CSGALNACT1: variants seen among roughly 807,000 people sequenced by gnomAD.
CSGALNACT1 encodes the protein beta4GalNAcT-1.
In CSGALNACT1, 52 loss-of-function variants were observed where a neutral mutation model predicts 51.0. That is an observed-to-expected ratio of 1.02 (90% CI 0.82 to 1.29). CSGALNACT1 has a LOEUF of 1.29. Ranked by LOEUF, CSGALNACT1 falls within the 50% of genes most tolerant of loss-of-function variation. The probability of loss-of-function intolerance (pLI) is 0.00; values close to 1 mark genes in which losing one functional copy is unlikely to be tolerated. For synonymous variants in CSGALNACT1, 341 were observed against 254.4 expected, an observed-to-expected ratio of 1.34 and a Z score of -3.24; for missense variants, 935 against 679.2, an observed-to-expected ratio of 1.38 and a Z score of -4.19.
rs982155917 is a variant in CSGALNACT1, at chr8:19,609,956, C to T, written c.-543-8091G>A. On this transcript the variant is annotated intron_variant, in intron 1 of 9. Transcript: ENST00000332246. ...ATGGAAGAGGCCGGGCACGGTGGCT[C>T]ACGCCTGTAATCCCAGCAGTTTGGG... Among the ~76,000 whole-genome samples the T allele has an allele frequency of 2.0e-5, 3 of 152,112 alleles. No individual in the cohort carries two copies. The South Asian group carries it at 6.2e-4, about 32-fold the overall frequency.
At chr8:19,475,194 G>C (rs1426685978) in intron 4 of CSGALNACT1, among the ~76,000 whole-genome samples, 1 of 152,182 alleles carries the variant, frequency 6.6e-6, no homozygotes, top group African/African-American at 2.4e-5. Context: ...GTGTACAAGA[G>C]TATGGAGGAA....
rs142530809 is a variant in CSGALNACT1 at position 19,573,705 on chromosome 8, T to C, written c.-297+17455A>G. 8.8e-4 allele frequency among the ~76,000 whole-genome samples: 134 copies of C among 152,138 alleles called. 1 individual carries two copies. The highest frequency in any genetic ancestry group is 2.9e-3 in the African/African-American group (122 of 41,494). On this transcript the variant is annotated intron_variant, in intron 3 of 9. Transcript: ENST00000454498. The stretch of plus-strand genomic sequence containing the variant: ...GTGCTCTGCCCACCTCGGCCTCCCA[T>C]ACCAATCTCTCTTAATGATCAATAC...
chr8:19,674,876 G>C (rs1208239135), intron 1 of CSGALNACT1, among the ~76,000 whole-genome samples: 2 of 152,148 alleles, frequency 1.3e-5, no homozygotes, highest in Admixed American at 6.5e-5. Context: ...TTGGGTATGA[G>C]AGAATGAGAG....
intron 1 of CSGALNACT1, among the ~76,000 whole-genome samples, chr8:19,726,218 G>T (rs1331506291): frequency 6.6e-6 from 1 of 152,016 alleles, no homozygotes; most frequent in Non-Finnish European, 1.5e-5. Flanking sequence ...TTTAAGATAA[G>T]TTAACATTAA....
chr8:19,451,536 C>A (rs1586310043), intron 5 of CSGALNACT1, among the ~76,000 whole-genome samples: 1 of 152,182 alleles, frequency 6.6e-6, no homozygotes, highest in Non-Finnish European at 1.5e-5. Flanking sequence ...CCATGGATCA[C>A]CCCAAGCACC....
intron 3 of CSGALNACT1, among the ~76,000 whole-genome samples, chr8:19,579,202 GC>G (rs775450984): frequency 3.9e-5 from 6 of 152,124 alleles, no homozygotes; most frequent in Non-Finnish European, 8.8e-5. Flanking sequence ...GGACTAAAAG[GC>G]CCACTTTGAT....
At chr8:19,745,359 T>A (rs1443979849) in intron 1 of CSGALNACT1, among the ~76,000 whole-genome samples, 1 of 152,218 alleles carries the variant, frequency 6.6e-6, no homozygotes, top group Non-Finnish European at 1.5e-5. Context: ...TGATACATAA[T>A]AATTGTACAT....
chr8:19,551,565 G>A (rs1049875100), intron 3 of CSGALNACT1, among the ~76,000 whole-genome samples: 1 of 152,188 alleles, frequency 6.6e-6, no homozygotes, highest in Non-Finnish European at 1.5e-5. Context: ...TCAGCGTTCG[G>A]CTTCCTATTG....
intron 2 of CSGALNACT1, among the ~76,000 whole-genome samples, chr8:19,599,730 G>A (rs2049985074): frequency 6.6e-6 from 1 of 152,184 alleles, no homozygotes; most frequent in Non-Finnish European, 1.5e-5. Flanking sequence ...AACACTTGGG[G>A]AACCTGGGAA....
At chr8:19,409,076 C>T (rs974525483) in intron 8 of CSGALNACT1, among the ~76,000 whole-genome samples, 3 of 152,158 alleles carry the variant, frequency 2.0e-5, no homozygotes, top group Non-Finnish European at 4.4e-5. Context: ...GAATCGGAGG[C>T]TTGGGCCCCT....
intron 3 of CSGALNACT1, among the ~76,000 whole-genome samples, chr8:19,550,469 G>T (rs911064043): frequency 1.2e-4 from 19 of 152,186 alleles, no homozygotes; most frequent in African/African-American, 4.3e-4. Context: ...CTCTTTCATG[G>T]ATGCAATATC....
chr8:19,427,529 T>C (rs935500617), intron 6 of CSGALNACT1, among the ~76,000 whole-genome samples: 1 of 152,060 alleles, frequency 6.6e-6, no homozygotes, highest in African/African-American at 2.4e-5. Flanking sequence ...TGGCTCATGC[T>C]TGTAATCCCA....
At chr8:19,582,587 T>C (rs947266928) in intron 3 of CSGALNACT1, among the ~76,000 whole-genome samples, 1 of 152,140 alleles carries the variant, frequency 6.6e-6, no homozygotes, top group Non-Finnish European at 1.5e-5. Context: ...GGTTTAAAGA[T>C]AGACACATGA....
At chr8:19,442,233 G>C (rs1446368840) in intron 5 of CSGALNACT1, among the ~76,000 whole-genome samples, 1 of 152,098 alleles carries the variant, frequency 6.6e-6, no homozygotes, top group South Asian at 2.1e-4. Flanking sequence ...ATACCCAAAG[G>C]ACTATAAATC....
At chr8:19,615,914 C>T (rs2052936391) in intron 1 of CSGALNACT1, among the ~76,000 whole-genome samples, 1 of 152,140 alleles carries the variant, frequency 6.6e-6, no homozygotes, top group Non-Finnish European at 1.5e-5. Context: ...ATGAAGAAGT[C>T]TTAATTTATC....
chr8:19,507,916 C>T (rs887805882), intron 3 of CSGALNACT1, among the ~76,000 whole-genome samples: 17 of 152,368 alleles, frequency 1.1e-4, no homozygotes, highest in African/African-American at 3.4e-4. Context: ...CGTGAGCCGC[C>T]GTGCCCGGCC....
intron 3 of CSGALNACT1, among the ~76,000 whole-genome samples, chr8:19,578,399 G>A (rs1036187900): frequency 2.0e-5 from 3 of 152,308 alleles, no homozygotes; most frequent in South Asian, 2.1e-4. Context: ...CTGTGATCCT[G>A]CTGCCTGGAG....
chr8:19,668,437 TAAG>T (rs774148042), intron 1 of CSGALNACT1, among the ~76,000 whole-genome samples: 1 of 152,218 alleles, frequency 6.6e-6, no homozygotes, highest in African/African-American at 2.4e-5. Context: ...AAAAAATTAT[TAAG>T]AAGTTGAATC....
intron 3 of CSGALNACT1, among the ~76,000 whole-genome samples, chr8:19,571,964 A>G (rs1228540427): frequency 6.6e-6 from 1 of 152,218 alleles, no homozygotes; most frequent in Non-Finnish European, 1.5e-5. Context: ...TTTTCATCAA[A>G]TAAGTCATTA....
Sources: allele counts gnomAD v4.1 joint callset (sites outside exome capture counted in the v4.1 genomes callset), GRCh38; gene constraint gnomAD v4.1.1; transcripts MANE v1.5; gene names NCBI Gene and HGNC (gene_info 2026-07-23, HGNC 2026-07-21).